NPHS2: variants seen among roughly 807,000 people sequenced by gnomAD.
The protein encoded by NPHS2 is podocin.
Under a neutral mutation model 37.1 loss-of-function variants are expected in NPHS2, and 36 were observed. The ratio of observed to expected loss-of-function variants is 0.97; its 90% CI spans 0.74 to 1.28. The LOEUF (loss-of-function observed/expected upper bound fraction) is 1.28. Among genes scored for constraint, NPHS2 ranks in the 50% most tolerant of loss-of-function variants. NPHS2 has a pLI of 0.00. For synonymous variants in NPHS2, 196 were observed against 189.3 expected, an observed-to-expected ratio of 1.04 and a Z score of -0.29; for missense variants, 447 against 488.1, an observed-to-expected ratio of 0.92 and a Z score of 0.79.
At position 179,555,487 on chromosome 1, in the gene NPHS2, T is replaced by C. The variant is rs368723845; in HGVS notation, c.739-956A>G. On this transcript the variant is annotated intron_variant, in intron 5 of 7. Transcript: ENST00000367615. Reference sequence around the variant, plus strand: ...GAGCTCTCCATGTTGACCCAAACTCTTCTTTTTACACTTCTTTTCTCATTA... The same window carrying C: ...GAGCTCTCCATGTTGACCCAAACTCCTCTTTTTACACTTCTTTTCTCATTA... Among the ~76,000 whole-genome samples the C allele has an allele frequency of 1.2e-4, 19 of 152,236 alleles. No individual in the cohort carries two copies. The East Asian group carries it at 3.5e-3, about 28-fold the overall frequency.
chr1:179,556,989 A>G lies in NPHS2; in HGVS notation c.738+38T>C. The G allele has an allele frequency of 6.6e-7, 1 of 1,508,790 alleles. No homozygotes were observed. Among genetic ancestry groups the G allele is most frequent in the South Asian group, 1.2e-5 (1 of 86,288 alleles). The allele number at this position is 1,508,790 out of a possible 1,614,324, so 93.5% of individuals were successfully genotyped here. On this transcript the variant is annotated intron_variant, in intron 5 of 7. Coordinates refer to ENST00000367615, the MANE Select transcript of NPHS2 (RefSeq NM_014625.4). The surrounding 1 kb of genome is among the most constrained non-coding windows in gnomAD (Gnocchi z 4.1). ...CAATGAACAAATGAATAAAAGATAA[A>G]TATTTCAGCATATTGGCCATTATGT...
chr1:179,558,153 G>A (rs574102008), intron 4 of NPHS2, among the ~76,000 whole-genome samples: 6 of 152,040 alleles, frequency 3.9e-5, no homozygotes, highest in African/African-American at 1.4e-4. Context: ...ATAATATTGT[G>A]CAACTATCAC....
chr1:179,563,537 C>T (rs988434541), intron 2 of NPHS2, among the ~76,000 whole-genome samples: 1 of 152,182 alleles, frequency 6.6e-6, no homozygotes, highest in Non-Finnish European at 1.5e-5. Flanking sequence ...ATACATGAAA[C>T]ATCATCTCCA....
chr1:179,557,701 A>G (rs1040202378), intron 4 of NPHS2, among the ~76,000 whole-genome samples: 1 of 152,198 alleles, frequency 6.6e-6, no homozygotes, highest in African/African-American at 2.4e-5. Flanking sequence ...ATTTAGCTAT[A>G]AGGATGTTAC....
Position 179,556,768 on chromosome 1 carries a change from T to C in NPHS2, c.738+259A>G, listed in dbSNP as rs898460519. Among the ~76,000 whole-genome samples, 1 of 152,068 alleles carries C rather than the reference T, an allele frequency of 6.6e-6. No individual in the cohort carries two copies. The highest frequency in any genetic ancestry group is 1.5e-5 in the Non-Finnish European group (1 of 68,010). On this transcript the variant is annotated intron_variant, in intron 5 of 7. Transcript: ENST00000367615. This position sits in a 1 kb window ranked among gnomAD's most constrained non-coding sequence, Gnocchi z 4.1. ...ATCATTCTGAATACTTAATACTAGG[T>C]GAGTACTTGGAGATGAATTTAAAGT... is the stretch of plus-strand genomic sequence containing the variant.
intron 7 of NPHS2, 102 bp from the exon 8 acceptor site, chr1:179,551,553 G>C: frequency 7.3e-7 from 1 of 1,365,590 alleles, no homozygotes; most frequent in Non-Finnish European, 1.0e-6. Context: ...CATCTACTAT[G>C]TGGCAAGCAC....
chr1:179,567,904 C>A (rs1353657660), intron 1 of NPHS2, among the ~76,000 whole-genome samples: 3 of 152,168 alleles, frequency 2.0e-5, no homozygotes, highest in Non-Finnish European at 4.4e-5. Context: ...CCTTGCATCC[C>A]AGGGATGAAG....
chr1:179,554,434 T>C, intron 6 of NPHS2, 42 bp downstream of exon 6: 1 of 1,611,916 alleles, frequency 6.2e-7, no homozygotes, highest in East Asian at 2.2e-5. Context: ...CCAGAATATT[T>C]TCCTTTATCA....
intron 1 of NPHS2, among the ~76,000 whole-genome samples, chr1:179,570,873 A>G (rs1179469117): frequency 2.0e-5 from 3 of 152,190 alleles, no homozygotes; most frequent in African/African-American, 7.2e-5. Context: ...AAGCTTGCAC[A>G]TGCGTCATGA....
rs1207024654 is a variant in NPHS2 at position 179,556,018 on chromosome 1, CTT to C, written c.738+1007_738+1008del. 6.6e-6 allele frequency among the ~76,000 whole-genome samples: 1 copy of C among 152,126 alleles called. No homozygotes were observed. The highest frequency in any genetic ancestry group is 2.4e-5 in the African/African-American group (1 of 41,416). ...TTTATTAGGATACATGCATTTTTGA[CTT>C]ACGATATTTTTTGCTTTATGATGGT... On this transcript the variant is annotated intron_variant, in intron 5 of 7. Transcript: ENST00000367615. The surrounding 1 kb of genome is among the most constrained non-coding windows in gnomAD (Gnocchi z 4.1).
intron 1 of NPHS2, among the ~76,000 whole-genome samples, chr1:179,570,486 C>T (rs1674510899): frequency 6.6e-6 from 1 of 152,242 alleles, no homozygotes; most frequent in East Asian, 1.9e-4. Flanking sequence ...GCACAGATCG[C>T]TCATGCTATT....
intron 1 of NPHS2, among the ~76,000 whole-genome samples, chr1:179,573,456 A>C (rs1292910050): frequency 6.6e-6 from 1 of 152,216 alleles, no homozygotes; most frequent in Non-Finnish European, 1.5e-5. Context: ...CATTGAAGCT[A>C]TGAGAATCTC....
rs557678993 is a variant in NPHS2, at chr1:179,575,921, C to T, written c.-57G>A. On this transcript the variant is annotated 5_prime_UTR_variant, in exon 1 of 8. Coordinates refer to ENST00000367615, the MANE Select transcript of NPHS2 (RefSeq NM_014625.4). ...CGCGGGAGCGCTAGGGGCACGGGAG[C>T]GCAGTCCCTGTGGAGTCGCTGCGGG... 4 of 1,345,558 alleles carry T rather than the reference C, an allele frequency of 3.0e-6. No individual in the cohort carries two copies. Among genetic ancestry groups the T allele is most frequent in the East Asian group, 5.8e-5 (2 of 34,234 alleles). 83.4% of individuals were successfully genotyped at this position (1,345,558 alleles called of 1,614,324 possible).
intron 1 of NPHS2, among the ~76,000 whole-genome samples, chr1:179,570,327 C>T (rs1373198221): frequency 6.6e-6 from 1 of 152,142 alleles, no homozygotes; most frequent in African/African-American, 2.4e-5. Flanking sequence ...CAGAGATTTA[C>T]CCATGTTTTT....
chr1:179,559,953 A>C (rs1246019475), intron 3 of NPHS2, among the ~76,000 whole-genome samples, 192 bp from the exon 4 acceptor site: 2 of 152,194 alleles, frequency 1.3e-5, no homozygotes, highest in Non-Finnish European at 2.9e-5. Flanking sequence ...ATCCAGGACA[A>C]TAGGTATAAA....
chr1:179,552,374 T>C (rs978630481), intron 7 of NPHS2: 1 of 591,442 alleles, frequency 1.7e-6, no homozygotes, highest in Non-Finnish European at 3.1e-6. Flanking sequence ...AAGGTGAGAC[T>C]CAAGCAGTGA....
intron 1 of NPHS2, among the ~76,000 whole-genome samples, chr1:179,571,631 A>C (rs1302181008): frequency 5.3e-5 from 8 of 152,202 alleles, no homozygotes; most frequent in Non-Finnish European, 1.2e-4. Context: ...TTAAGTCTGC[A>C]GAAGTTGTTT....
Position 179,552,688 on chromosome 1 carries a change from A to G in NPHS2, c.795-7T>C. 1 of 1,611,996 alleles carries G rather than the reference A, an allele frequency of 6.2e-7. No individual in the cohort carries two copies. The highest frequency in any genetic ancestry group is 8.5e-7 in the Non-Finnish European group (1 of 1,178,242). ...TGGCAACCTCACATCTTTACTGAAA[A>G]AGAAAGAATGCAGGTATGTAGGTGT... On this transcript the variant is annotated splice_polypyrimidine_tract_variant and splice_region_variant and intron_variant, in intron 6 of 7. Transcript: ENST00000367615.
Position 179,554,332 on chromosome 1 carries a change from A to C in NPHS2, c.794+144T>G, listed in dbSNP as rs1334998871. On this transcript the variant is annotated intron_variant, in intron 6 of 7. Coordinates refer to ENST00000367615, the MANE Select transcript of NPHS2 (RefSeq NM_014625.4). ...GATTGTGTTATGGCTGTAAGATATTAGGTGATTTGTTTCTCTTTTTTATAA... is the reference window on the plus strand; with the variant it reads ...GATTGTGTTATGGCTGTAAGATATTCGGTGATTTGTTTCTCTTTTTTATAA... 3 of 860,434 alleles carry C rather than the reference A, an allele frequency of 3.5e-6. No homozygotes were observed. The South Asian group carries it at 5.1e-5, about 15-fold the overall frequency. 53.3% of individuals were successfully genotyped at this position (860,434 alleles called of 1,614,324 possible). A position where few individuals can be genotyped will look rare whatever the true frequency, so the allele number is the denominator to read the frequency against.
Sources: allele counts gnomAD v4.1 joint callset (sites outside exome capture counted in the v4.1 genomes callset), GRCh38; gene constraint gnomAD v4.1.1; non-coding constraint Gnocchi (gnomAD v3.1); transcripts MANE v1.5; gene names NCBI Gene and HGNC (gene_info 2026-07-23, HGNC 2026-07-21).